The following CCNH variants were observed in gnomAD, a reference collection of about 807,000 sequenced individuals.
The protein encoded by CCNH is cyclin-H.
A neutral mutation model predicts 41.9 loss-of-function variants in CCNH; 31 were observed. That is an observed-to-expected ratio of 0.74 (90% CI 0.56 to 1.00). The LOEUF (loss-of-function observed/expected upper bound fraction) is 1.00, where lower values mean the gene tolerates loss of function less well. CCNH is among the 50% of genes least tolerant of loss of function. The pLI, the probability that CCNH is intolerant of heterozygous loss-of-function variation, is 0.00. For synonymous variants in CCNH, 138 were observed against 136.1 expected (o/e 1.01, Z -0.10); for missense variants, 362 against 388.4 (o/e 0.93, Z 0.57).
intron 9 of CCNH, among the ~76,000 whole-genome samples, chr5:87,345,542 C>G (rs751255813): frequency 4.6e-5 from 7 of 152,074 alleles, no homozygotes; most frequent in Non-Finnish European, 7.4e-5. Context: ...TTGTTGTATT[C>G]TTGCTTTATA....
chr5:87,339,935 A>G (rs925775267), intron 9 of CCNH, among the ~76,000 whole-genome samples: 1 of 152,068 alleles, frequency 6.6e-6, no homozygotes, highest in East Asian at 1.9e-4. Flanking sequence ...TAGTGGTTAG[A>G]TTTAAGGAAT....
At chr5:87,412,563 G>A (rs3093779) in intron 1 of CCNH, 115 bp downstream of exon 1, 7 of 1,482,926 alleles carry the variant, frequency 4.7e-6, no homozygotes, top group Admixed American at 2.3e-5. Flanking sequence ...AACGCACTCC[G>A]CGCCGCAGAG....
chr5:87,346,755 TCTATTTAAAGAGAATAAA>T lies in CCNH; in HGVS notation c.*91-27876_*91-27859del, dbSNP rs1758893180. The T allele has an allele frequency of 2.1e-6, 3 of 1,460,112 alleles. No individual in the cohort carries two copies. In the African/African-American group the frequency reaches 4.2e-5, roughly 20 times the overall value. The allele number at this position is 1,460,112 out of a possible 1,614,324, so 90.4% of individuals were successfully genotyped here. A position where few individuals can be genotyped will look rare whatever the true frequency, so the allele number is the denominator to read the frequency against. On this transcript the variant is annotated intron_variant and NMD_transcript_variant, in intron 9 of 9. Transcript: ENST00000645953. ...TACATATTTACTTGCTTTTCTAATG[TCTATTTAAAGAGAATAAA>T]AAAGTGAACAAACCATTTATCATGT...
At chr5:87,339,232 A>G (rs1284216133) in intron 9 of CCNH, among the ~76,000 whole-genome samples, 1 of 152,154 alleles carries the variant, frequency 6.6e-6, no homozygotes, top group Non-Finnish European at 1.5e-5. Flanking sequence ...CTTGATCCAT[A>G]GAAGTAAAAC....
chr5:87,333,611 A>G (rs1276365814), intron 9 of CCNH, among the ~76,000 whole-genome samples: 2 of 152,224 alleles, frequency 1.3e-5, no homozygotes, highest in African/African-American at 2.4e-5. Flanking sequence ...TTCTGCTTCA[A>G]TCTATATGCT....
In CCNH at chr5:87,384,045, C is replaced by G. The variant is rs1322367743; in HGVS notation, c.*90+8725G>C. On this transcript the variant is annotated intron_variant and NMD_transcript_variant, in intron 9 of 9. Coordinates refer to the CCNH transcript ENST00000645953. ...CTTTTTTCTACCCCTATTTGTGTCT[C>G]AAACCTTTATAATAAGTGACTTCTT... Among the ~76,000 whole-genome samples the G allele has an allele frequency of 2.0e-5, 3 of 152,104 alleles. No homozygotes were observed. The South Asian group carries it at 6.2e-4, about 32-fold the overall frequency.
At chr5:87,359,242 A>G (rs886176203) in intron 9 of CCNH, among the ~76,000 whole-genome samples, 16 of 152,306 alleles carry the variant, frequency 1.1e-4, no homozygotes, top group African/African-American at 2.9e-4. Context: ...GAGCTTACAC[A>G]TGTAACTTCT....
downstream of CCNH, chr5:87,374,380 G>T (rs1761165320): frequency 1.4e-6 from 2 of 1,478,232 alleles, no homozygotes; most frequent in Non-Finnish European, 9.2e-7. Context: ...ATTTCTTTCT[G>T]TTTTTTTGGT....
At chr5:87,396,495 T>C (rs3093845) in intron 7 of CCNH, among the ~76,000 whole-genome samples, 8 of 152,152 alleles carry the variant, frequency 5.3e-5, no homozygotes, top group African/African-American at 1.9e-4. Flanking sequence ...CATGTTGGCA[T>C]GCACCTGTCG....
At chr5:87,379,825 T>C, upstream of CCNH, 1 of 1,612,746 alleles carries the variant, frequency 6.2e-7, no homozygotes, top group East Asian at 2.2e-5. Context: ...GGAGAAAATA[T>C]TCATGGCTTC....
At chr5:87,371,265 C>T (rs1025328963), downstream of CCNH, among the ~76,000 whole-genome samples, 1 of 151,866 alleles carries the variant, frequency 6.6e-6, no homozygotes, top group East Asian at 1.9e-4. Flanking sequence ...GTGGGGGTCT[C>T]TGGTTATTCT....
intron 9 of CCNH, among the ~76,000 whole-genome samples, chr5:87,338,530 T>A (rs1758162711): frequency 1.0e-5 from 1 of 97,492 alleles, no homozygotes; most frequent in African/African-American, 3.7e-5. Flanking sequence ...TATATATATA[T>A]ATAAAATTTT....
At chr5:87,360,227 A>C (rs989556121) in intron 9 of CCNH, among the ~76,000 whole-genome samples, 1 of 151,658 alleles carries the variant, frequency 6.6e-6, no homozygotes, top group Non-Finnish European at 1.5e-5. Flanking sequence ...CCTGGGTTCA[A>C]GCGATTCTCC....
At chr5:87,383,852 C>A in intron 9 of CCNH, 48 of 1,152,328 alleles carry the variant, frequency 4.2e-5, no homozygotes, top group Non-Finnish European at 5.7e-5. Flanking sequence ...TAAGAATACT[C>A]TTAAATCTTT....
intron 9 of CCNH, among the ~76,000 whole-genome samples, chr5:87,365,540 C>T (rs1451022552): frequency 5.3e-5 from 8 of 151,856 alleles, no homozygotes; most frequent in Admixed American, 1.3e-4. Flanking sequence ...TTTTAATTAT[C>T]GTAAAATATA....
At chr5:87,369,300 C>T (rs1250640379) in intron 9 of CCNH, among the ~76,000 whole-genome samples, 1 of 152,088 alleles carries the variant, frequency 6.6e-6, no homozygotes, top group Non-Finnish European at 1.5e-5. Flanking sequence ...ATTTGTTGTA[C>T]ACAACTGTTC....
intron 9 of CCNH, among the ~76,000 whole-genome samples, chr5:87,332,309 G>A (rs1187901546): frequency 1.3e-5 from 2 of 152,040 alleles, no homozygotes; most frequent in African/African-American, 4.8e-5. Flanking sequence ...CACATCAAAT[G>A]CATGTATATA....
chr5:87,372,669 A>C (rs1761035017), downstream of CCNH, among the ~76,000 whole-genome samples: 1 of 152,142 alleles, frequency 6.6e-6, no homozygotes, highest in Non-Finnish European at 1.5e-5. Flanking sequence ...ATTTGTGGAG[A>C]GTTAAGCTAG....
At chr5:87,371,523 G>A (rs535485643), downstream of CCNH, among the ~76,000 whole-genome samples, 3 of 152,144 alleles carry the variant, frequency 2.0e-5, no homozygotes, top group Admixed American at 1.3e-4. Context: ...TTAAAAATAT[G>A]GCTGCAATTT....
Sources: allele counts gnomAD v4.1 joint callset (sites outside exome capture counted in the v4.1 genomes callset), GRCh38; gene constraint gnomAD v4.1.1; transcripts MANE v1.5; gene names NCBI Gene and HGNC (gene_info 2026-07-23, HGNC 2026-07-21).